Variants in STON1 observed in about 807,000 individuals in gnomAD.
STON1 encodes stonin 1.
A neutral mutation model predicts 60.9 loss-of-function variants in STON1; 79 were observed. That is an observed-to-expected ratio of 1.30 (90% CI 1.08 to 1.56). The LOEUF (loss-of-function observed/expected upper bound fraction) is 1.56, where lower values mean the gene tolerates loss of function less well. STON1 is among the 40% of genes most tolerant of loss of function. STON1 has a pLI of 0.00. For synonymous variants in STON1, 363 were observed against 306.9 expected (o/e 1.18, Z -1.91); for missense variants, 1,166 against 858.9 (o/e 1.36, Z -4.47).
intron 1 of STON1, among the ~76,000 whole-genome samples, chr2:48,570,843 GTTTT>G (rs70946811): frequency 4.7e-4 from 36 of 77,104 alleles, no homozygotes; most frequent in African/African-American, 2.1e-3. Flanking sequence ...CTGTCTCTGA[GTTTT>G]TTTTTTTTTT....
intron 1 of STON1, among the ~76,000 whole-genome samples, chr2:48,563,726 C>T (rs148381823): frequency 1.4e-3 from 210 of 150,994 alleles, no homozygotes; most frequent in African/African-American, 4.9e-3. Flanking sequence ...GACGTGGTCT[C>T]ACTGTGATTC....
intron 1 of STON1, among the ~76,000 whole-genome samples, chr2:48,532,112 C>T (rs1671234401): frequency 6.6e-6 from 1 of 151,978 alleles, no homozygotes; most frequent in Admixed American, 6.6e-5. Context: ...TTTTGGGAGG[C>T]CGGGGCGGGC....
intron 1 of STON1, among the ~76,000 whole-genome samples, chr2:48,574,827 T>G (rs1268531844): frequency 1.3e-5 from 2 of 152,202 alleles, no homozygotes; most frequent in Non-Finnish European, 2.9e-5. Flanking sequence ...ATTTATTGAG[T>G]TGATTCAAAT....
intron 1 of STON1, among the ~76,000 whole-genome samples, chr2:48,568,492 G>A (rs531698406): frequency 6.6e-6 from 1 of 152,314 alleles, no homozygotes; most frequent in East Asian, 1.9e-4. Context: ...GGTTGGAGGG[G>A]AGTAGGGGAT....
chr2:48,576,755 A>T (rs1460239484), intron 1 of STON1, among the ~76,000 whole-genome samples: 1 of 152,092 alleles, frequency 6.6e-6, no homozygotes, highest in Non-Finnish European at 1.5e-5. Context: ...TTAATTCCTT[A>T]TAAGAAATAC....
In STON1 at chr2:48,582,376, C is replaced by G. The variant is rs1012476306; in HGVS notation, c.1743C>G (p.Ala581=). The G allele has an allele frequency of 1.1e-5, 17 of 1,614,066 alleles. No individual in the cohort carries two copies. Among genetic ancestry groups the G allele is most frequent in the Non-Finnish European group, 1.4e-5 (16 of 1,180,022 alleles). ...HFPVPSQWIK[A]LWTMNLQRQK... is the part of the protein sequence containing the mutation. ...CTGTCCCATCGCAGTGGATCAAGGC[C>G]CTTTGGACCATGAACCTCCAGAGGC... is the stretch of plus-strand genomic sequence containing the variant. The change falls in exon 2 of 4, where the codon GCC becomes GCG. Residue 581 remains alanine, a synonymous_variant. Coordinates refer to ENST00000404752, the MANE Select transcript of STON1 (RefSeq NM_006873.4).
chr2:48,592,867 G>A (rs776436697), intron 3 of STON1, among the ~76,000 whole-genome samples: 1 of 151,560 alleles, frequency 6.6e-6, no homozygotes, highest in Non-Finnish European at 1.5e-5. Context: ...CTCCTGCCTC[G>A]GCCTCCCAAA....
chr2:48,544,610 A>T (rs1033121537), intron 1 of STON1, among the ~76,000 whole-genome samples: 2 of 152,082 alleles, frequency 1.3e-5, no homozygotes, highest in Non-Finnish European at 1.5e-5. Flanking sequence ...AAATGGCATG[A>T]TCTTGGCTCA....
chr2:48,538,819 T>C (rs1332077188), intron 1 of STON1, among the ~76,000 whole-genome samples: 1 of 149,570 alleles, frequency 6.7e-6, no homozygotes, highest in Non-Finnish European at 1.5e-5. Flanking sequence ...AGTTTTGCCA[T>C]GTTGGCCAGG....
At chr2:48,533,105 C>G (rs187342520) in intron 1 of STON1, among the ~76,000 whole-genome samples, 1 of 151,996 alleles carries the variant, frequency 6.6e-6, no homozygotes, top group African/African-American at 2.4e-5. Flanking sequence ...AAAGATGGGC[C>G]GGGCGCGGTG....
intron 1 of STON1, among the ~76,000 whole-genome samples, chr2:48,548,129 TG>T (rs921279009): frequency 3.9e-5 from 6 of 152,370 alleles, no homozygotes; most frequent in Admixed American, 3.9e-4. Flanking sequence ...TGGGACCTCA[TG>T]TGCCAGGATG....
At chr2:48,536,539 T>G (rs1283901998) in intron 1 of STON1, among the ~76,000 whole-genome samples, 6 of 124,978 alleles carry the variant, frequency 4.8e-5, no homozygotes, top group Non-Finnish European at 8.0e-5. Flanking sequence ...CAGAGTGAGA[T>G]GCCATCTTAA....
intron 2 of STON1, among the ~76,000 whole-genome samples, chr2:48,584,550 G>T (rs916125022): frequency 4.6e-5 from 7 of 151,914 alleles, no homozygotes; most frequent in Admixed American, 2.0e-4. Flanking sequence ...TTACAGGTGT[G>T]AGCCACCATG....
intron 1 of STON1, among the ~76,000 whole-genome samples, chr2:48,533,950 G>A (rs1266592566): frequency 6.6e-6 from 1 of 151,830 alleles, no homozygotes; most frequent in Non-Finnish European, 1.5e-5. Context: ...TGTATTTTTA[G>A]TAGAGATGGG....
chr2:48,545,869 C>T (rs141071888), intron 1 of STON1, among the ~76,000 whole-genome samples: 1 of 152,314 alleles, frequency 6.6e-6, no homozygotes, highest in East Asian at 1.9e-4. Context: ...CACAATTGGT[C>T]ATGATGCTAA....
At chr2:48,591,883 A>G (rs1674535002) in intron 3 of STON1, 28 bp downstream of exon 3, 4 of 1,609,026 alleles carry the variant, frequency 2.5e-6, no homozygotes, top group Non-Finnish European at 3.4e-6. Flanking sequence ...TAGAACTGTG[A>G]CCTGATTTGG....
At chr2:48,579,197 G>A (rs1409316100) in intron 1 of STON1, among the ~76,000 whole-genome samples, 1 of 151,590 alleles carries the variant, frequency 6.6e-6, no homozygotes, top group Non-Finnish European at 1.5e-5. Flanking sequence ...TAGAGATGGG[G>A]TTTCTCCATG....
At chr2:48,567,403 T>C (rs1485696946) in intron 1 of STON1, among the ~76,000 whole-genome samples, 1 of 152,192 alleles carries the variant, frequency 6.6e-6, no homozygotes, top group East Asian at 1.9e-4. Flanking sequence ...AGGAATGATA[T>C]TTTATTTTTA....
chr2:48,582,384 C>T lies in STON1; in HGVS notation c.1751C>T (p.Thr584Ile). 8 of 1,614,116 alleles carry T rather than the reference C, an allele frequency of 5.0e-6. No individual in the cohort carries two copies. The highest frequency in any genetic ancestry group is 6.8e-6 in the Non-Finnish European group (8 of 1,180,026). ...VPSQWIKALW[T>I]MNLQRQKSLK... ...TCGCAGTGGATCAAGGCCCTTTGGA[C>T]CATGAACCTCCAGAGGCAGAAGTCT... The change falls in exon 2 of 4, where the codon ACC becomes ATC. Residue 584 changes from threonine (T) to isoleucine (I), a missense_variant. Coordinates refer to ENST00000404752, the MANE Select transcript of STON1 (RefSeq NM_006873.4).
Sources: gnomAD v4.1 joint callset for allele counts (sites outside exome capture counted in the v4.1 genomes callset) on GRCh38, gnomAD v4.1.1 for gene constraint, MANE v1.5 for transcripts, NCBI Gene and HGNC (gene_info 2026-07-23, HGNC 2026-07-21) for gene names.